The following TBC1D22A variants were observed in gnomAD, a reference collection of about 807,000 sequenced individuals.
TBC1D22A encodes the protein putative GTPase activator.
In TBC1D22A, 38 loss-of-function variants were observed where a neutral mutation model predicts 60.2. The ratio of observed to expected loss-of-function variants is 0.63; its 90% CI spans 0.49 to 0.83. The LOEUF is 0.83. TBC1D22A is among the 40% of genes least tolerant of loss of function. The pLI is 0.00. For synonymous variants in TBC1D22A, 302 were observed against 281.7 expected (o/e 1.07, Z -0.72); for missense variants, 628 against 701.0 (o/e 0.90, Z 1.18).
At chr22:46,933,605 C>T (rs1359742582) in intron 8 of TBC1D22A, among the ~76,000 whole-genome samples, 1 of 151,688 alleles carries the variant, frequency 6.6e-6, no homozygotes, top group Admixed American at 6.6e-5. Flanking sequence ...ATTCTGAGGA[C>T]AGAGACAGGG....
chr22:46,999,140 G>C (rs1478598453), intron 10 of TBC1D22A, among the ~76,000 whole-genome samples: 2 of 152,220 alleles, frequency 1.3e-5, no homozygotes, highest in South Asian at 2.1e-4. Context: ...GTTAGTGCTC[G>C]TTTGTTCCGG....
chr22:47,050,919 G>A (rs13053636), intron 11 of TBC1D22A, among the ~76,000 whole-genome samples: 11,968 of 152,198 alleles, frequency 0.079, 547 homozygotes, highest in East Asian at 0.14. Flanking sequence ...TGGATGAGGA[G>A]GGCGGCCACA....
intron 12 of TBC1D22A, among the ~76,000 whole-genome samples, chr22:47,145,305 A>G (rs778707630): frequency 1.3e-5 from 2 of 152,126 alleles, no homozygotes; most frequent in Admixed American, 1.3e-4. Flanking sequence ...CCATTTTCTC[A>G]GGTAGTGACC....
intron 7 of TBC1D22A, among the ~76,000 whole-genome samples, chr22:46,905,267 G>C (rs775962860): frequency 1.2e-4 from 18 of 152,326 alleles, no homozygotes; most frequent in Admixed American, 4.6e-4. Flanking sequence ...AAGATAAAAA[G>C]GAATGAGGCA....
At chr22:46,825,718 C>T (rs1452563238) in intron 4 of TBC1D22A, among the ~76,000 whole-genome samples, 3 of 152,152 alleles carry the variant, frequency 2.0e-5, no homozygotes, top group South Asian at 2.1e-4. Flanking sequence ...AAGTGATCCA[C>T]CCGCTTTGGC....
At chr22:47,014,127 G>A (rs2061833451) in intron 10 of TBC1D22A, among the ~76,000 whole-genome samples, 1 of 152,230 alleles carries the variant, frequency 6.6e-6, no homozygotes, top group Non-Finnish European at 1.5e-5. Context: ...GGGATGCACA[G>A]TGCTGCCAGT....
At chr22:46,857,933 A>G (rs1015556486) in intron 4 of TBC1D22A, among the ~76,000 whole-genome samples, 1 of 152,140 alleles carries the variant, frequency 6.6e-6, no homozygotes, top group African/African-American at 2.4e-5. Context: ...GACTGCTGCT[A>G]TGGACATTCA....
At chr22:47,166,839 G>T (rs1375507432) in intron 12 of TBC1D22A, among the ~76,000 whole-genome samples, 2 of 152,206 alleles carry the variant, frequency 1.3e-5, no homozygotes, top group Non-Finnish European at 2.9e-5. Context: ...AGAGGCCGGG[G>T]TACAGGTGGG....
chr22:46,954,364 G>A (rs2073078016), intron 8 of TBC1D22A, among the ~76,000 whole-genome samples: 1 of 152,238 alleles, frequency 6.6e-6, no homozygotes, highest in Non-Finnish European at 1.5e-5. Context: ...ACACTGGGAA[G>A]TGTTTCTTGG....
intron 1 of TBC1D22A, among the ~76,000 whole-genome samples, chr22:46,776,722 T>G (rs926025854): frequency 6.6e-6 from 1 of 151,430 alleles, no homozygotes; most frequent in Admixed American, 6.6e-5. Context: ...TGTCAGGAAG[T>G]GCTTGCAATT....
intron 4 of TBC1D22A, among the ~76,000 whole-genome samples, chr22:46,845,894 G>T (rs988431124): frequency 1.3e-5 from 2 of 152,318 alleles, no homozygotes; most frequent in East Asian, 3.9e-4. Context: ...AAGGAACCGC[G>T]GCGAGCCGAT....
intron 11 of TBC1D22A, among the ~76,000 whole-genome samples, chr22:47,108,007 A>C (rs1395838122): frequency 6.6e-6 from 1 of 152,264 alleles, no homozygotes; most frequent in Non-Finnish European, 1.5e-5. Context: ...AGAACAAAGT[A>C]CTAGGTTGAC....
In TBC1D22A at chr22:46,974,189, G is replaced by A; in HGVS notation, c.1016-101G>A. Reference sequence around the variant, plus strand: ...AGACTGATGAGAGTGGGTGGAGGGAGCTGGATGCAGGCTCAGCTCTGTTCC... The same window carrying A: ...AGACTGATGAGAGTGGGTGGAGGGAACTGGATGCAGGCTCAGCTCTGTTCC... On this transcript the variant is annotated intron_variant, in intron 8 of 12. Transcript: ENST00000337137. 4 of 910,442 alleles carry A rather than the reference G, an allele frequency of 4.4e-6. No individual in the cohort carries two copies. The South Asian group carries it at 5.9e-5, about 13-fold the overall frequency. 56.4% of individuals were successfully genotyped at this position (910,442 alleles called of 1,614,324 possible).
At chr22:47,056,337 G>A (rs1403083308) in intron 11 of TBC1D22A, among the ~76,000 whole-genome samples, 4 of 152,082 alleles carry the variant, frequency 2.6e-5, no homozygotes, top group African/African-American at 4.8e-5. Context: ...GATTGACAGC[G>A]TTTGAGTTTG....
At chr22:47,029,787 C>T (rs563174892) in intron 10 of TBC1D22A, among the ~76,000 whole-genome samples, 1 of 152,370 alleles carries the variant, frequency 6.6e-6, no homozygotes, top group Admixed American at 6.5e-5. Flanking sequence ...TGTTCCCTTC[C>T]AGCTCAGGCG....
At chr22:46,981,999 A>T (rs1399377763) in intron 9 of TBC1D22A, among the ~76,000 whole-genome samples, 6 of 152,144 alleles carry the variant, frequency 3.9e-5, no homozygotes, top group Non-Finnish European at 8.8e-5. Context: ...TGGGTGGGGG[A>T]TTAGCAGATT....
chr22:46,971,107 G>A (rs912946761), intron 8 of TBC1D22A, among the ~76,000 whole-genome samples: 7 of 152,170 alleles, frequency 4.6e-5, no homozygotes, highest in African/African-American at 1.7e-4. Flanking sequence ...TCACCACGGG[G>A]GCTCTCTGAG....
intron 12 of TBC1D22A, among the ~76,000 whole-genome samples, chr22:47,131,905 C>T (rs181457117): frequency 1.9e-4 from 29 of 152,354 alleles, no homozygotes; most frequent in Admixed American, 7.8e-4. Flanking sequence ...CCCAGCCTGT[C>T]TGTGGAGCCA....
chr22:47,167,970 T>C (rs927179226), intron 12 of TBC1D22A, among the ~76,000 whole-genome samples: 4 of 144,828 alleles, frequency 2.8e-5, no homozygotes, highest in African/African-American at 5.8e-5. Context: ...TTGCTATCAC[T>C]ATTATTATCC....
Sources: gnomAD v4.1 joint callset for allele counts (sites outside exome capture counted in the v4.1 genomes callset) on GRCh38, gnomAD v4.1.1 for gene constraint, MANE v1.5 for transcripts, NCBI Gene and HGNC (gene_info 2026-07-23, HGNC 2026-07-21) for gene names.